The following DSCAM variants were observed in gnomAD, a reference collection of about 807,000 sequenced individuals.
The protein encoded by DSCAM is cell adhesion molecule DSCAM.
In DSCAM, 47 loss-of-function variants were observed where a neutral mutation model predicts 217.7. That is an observed-to-expected ratio of 0.22 (90% CI 0.17 to 0.28). DSCAM has a LOEUF of 0.28. Ranked by LOEUF, DSCAM falls within the 10% of genes least tolerant of loss-of-function variation. DSCAM has a pLI of 1.00. For missense variants in DSCAM, 2,080 were observed against 2,618.3 expected (o/e 0.79, Z 4.49); for synonymous variants, 1,056 against 1,015.3 (o/e 1.04, Z -0.76).
At chr21:40,276,990 T>A (rs1198603361) in intron 10 of DSCAM, among the ~76,000 whole-genome samples, 1 of 151,938 alleles carries the variant, frequency 6.6e-6, no homozygotes, top group Non-Finnish European at 1.5e-5. Flanking sequence ...AAAAGGATTT[T>A]AGAAATAATG....
At chr21:40,032,419 G>A (rs1371677700) in intron 32 of DSCAM, among the ~76,000 whole-genome samples, 1 of 152,002 alleles carries the variant, frequency 6.6e-6, no homozygotes. Context: ...CAAGCAGAAG[G>A]ATCACAATAT....
At chr21:40,274,616 A>G (rs2073662684) in intron 11 of DSCAM, among the ~76,000 whole-genome samples, 1 of 152,208 alleles carries the variant, frequency 6.6e-6, no homozygotes, top group Non-Finnish European at 1.5e-5. Flanking sequence ...TTTCCTTTAT[A>G]ACTTTTAAAA....
rs1368598729 is a variant in DSCAM at position 40,194,470 on chromosome 21, G to T, written c.2357-5232C>A. Among the ~76,000 whole-genome samples, 3 of 152,188 alleles carry T rather than the reference G, an allele frequency of 2.0e-5. No individual in the cohort carries two copies. The East Asian group carries it at 5.8e-4, about 29-fold the overall frequency. ...CAAATGGATGGGGTAATTTAACAGG[G>T]ATTGGTACCAAGGAGAGGCTGTGGG... On this transcript the variant is annotated intron_variant, in intron 11 of 32. Coordinates refer to ENST00000400454, the MANE Select transcript of DSCAM (RefSeq NM_001389.5).
intron 3 of DSCAM, among the ~76,000 whole-genome samples, chr21:40,504,612 G>C (rs148659980): frequency 2.0e-5 from 3 of 152,172 alleles, no homozygotes; most frequent in African/African-American, 7.2e-5. Context: ...GATGCGAAAG[G>C]CTCAAATAAT....
chr21:40,147,884 T>C (rs903825905), intron 16 of DSCAM, among the ~76,000 whole-genome samples: 1 of 152,224 alleles, frequency 6.6e-6, no homozygotes, highest in Non-Finnish European at 1.5e-5. Context: ...GTTTATTTAC[T>C]ACCACAAATG....
chr21:40,109,987 G>T (rs1393124113), intron 20 of DSCAM, among the ~76,000 whole-genome samples: 1 of 152,188 alleles, frequency 6.6e-6, no homozygotes, highest in Non-Finnish European at 1.5e-5. Flanking sequence ...CTCCACCTCT[G>T]GGGGCAGGGC....
chr21:40,112,842 T>A (rs2146640376), intron 20 of DSCAM, among the ~76,000 whole-genome samples: 1 of 152,194 alleles, frequency 6.6e-6, no homozygotes, highest in African/African-American at 2.4e-5. Context: ...CCTTGACAAA[T>A]ACACCCTCCC....
chr21:40,748,905 T>C (rs1044713529), intron 1 of DSCAM, among the ~76,000 whole-genome samples: 2 of 151,932 alleles, frequency 1.3e-5, no homozygotes, highest in African/African-American at 4.8e-5. Flanking sequence ...TGTGACAAAA[T>C]ACAGAACCTA....
chr21:40,290,454 C>G (rs1441651259), intron 10 of DSCAM, among the ~76,000 whole-genome samples: 1 of 152,100 alleles, frequency 6.6e-6, no homozygotes, highest in Non-Finnish European at 1.5e-5. Flanking sequence ...AACCCCATCT[C>G]TACCCAAAAT....
chr21:40,618,979 C>T (rs756830228), intron 3 of DSCAM: 6 of 152,164 alleles, frequency 3.9e-5, no homozygotes, highest in Non-Finnish European at 5.9e-5. Context: ...TCTGTCCTGC[C>T]TCTACCTCAG....
At chr21:40,820,089 G>A (rs2091913175) in intron 1 of DSCAM, among the ~76,000 whole-genome samples, 1 of 152,096 alleles carries the variant, frequency 6.6e-6, no homozygotes, top group Non-Finnish European at 1.5e-5. Flanking sequence ...TTGGGGTCAT[G>A]CCCAGCAATC....
intron 32 of DSCAM, among the ~76,000 whole-genome samples, chr21:40,019,836 T>C (rs1248566539): frequency 1.3e-5 from 2 of 152,218 alleles, no homozygotes; most frequent in Non-Finnish European, 2.9e-5. Flanking sequence ...AATTCACTTA[T>C]ATTTTTGGCA....
At chr21:40,412,770 G>A (rs1440440238) in intron 3 of DSCAM, among the ~76,000 whole-genome samples, 6 of 152,332 alleles carry the variant, frequency 3.9e-5, no homozygotes, top group Non-Finnish European at 7.4e-5. Context: ...ATTTGAATAA[G>A]TAACTAGGAG....
chr21:40,426,942 A>G (rs1196240527), intron 3 of DSCAM, among the ~76,000 whole-genome samples: 1 of 152,120 alleles, frequency 6.6e-6, no homozygotes, highest in African/African-American at 2.4e-5. Context: ...CAAGGGTACT[A>G]TCCCTATTTG....
intron 2 of DSCAM, among the ~76,000 whole-genome samples, chr21:40,695,086 ACT>A (rs1169584125): frequency 1.2e-4 from 19 of 152,052 alleles, no homozygotes; most frequent in South Asian, 2.1e-4. Flanking sequence ...CAATAAAATC[ACT>A]CTGTCTCCCC....
chr21:40,479,289 T>G (rs1275716564), intron 3 of DSCAM, among the ~76,000 whole-genome samples: 1 of 152,220 alleles, frequency 6.6e-6, no homozygotes, highest in Non-Finnish European at 1.5e-5. Context: ...TAAAGCCCAG[T>G]GCTTCCATCT....
At chr21:40,099,986 CAGG>C (rs1249555112) in intron 20 of DSCAM, among the ~76,000 whole-genome samples, 2 of 152,146 alleles carry the variant, frequency 1.3e-5, no homozygotes, top group African/African-American at 4.8e-5. Context: ...CTGCTCACAA[CAGG>C]AGAGGAGGCT....
intron 3 of DSCAM, among the ~76,000 whole-genome samples, chr21:40,532,906 GTGTGCA>G (rs773072945): frequency 0.012 from 1,570 of 135,208 alleles, 5 homozygotes; most frequent in Non-Finnish European, 0.017. Flanking sequence ...GTGTGTGTGT[GTGTGCA>G]CACGCACGCG....
chr21:40,260,894 C>T (rs1197944759), intron 11 of DSCAM, among the ~76,000 whole-genome samples: 3 of 152,224 alleles, frequency 2.0e-5, no homozygotes, highest in Non-Finnish European at 2.9e-5. Flanking sequence ...AAGCCCCCGA[C>T]ATCCAGGAGC....
Sources: allele counts gnomAD v4.1 joint callset (sites outside exome capture counted in the v4.1 genomes callset), GRCh38; gene constraint gnomAD v4.1.1; transcripts MANE v1.5; gene names NCBI Gene and HGNC (gene_info 2026-07-23, HGNC 2026-07-21).